Variants in SSH2 observed in about 807,000 individuals in gnomAD.
SSH2 encodes the protein protein phosphatase Slingshot homolog 2.
Under a neutral mutation model 135.2 loss-of-function variants are expected in SSH2, and 37 were observed. That is an observed-to-expected ratio of 0.27 (90% CI 0.21 to 0.36). The LOEUF (loss-of-function observed/expected upper bound fraction) is 0.36, where lower values mean the gene tolerates loss of function less well. Among genes scored for constraint, SSH2 ranks in the 10% least tolerant of loss-of-function variants. The pLI is 1.00. For synonymous variants in SSH2, 628 were observed against 646.2 expected, an observed-to-expected ratio of 0.97 and a Z score of 0.43; for missense variants, 1,408 against 1,765.3, an observed-to-expected ratio of 0.80 and a Z score of 3.63.
At chr17:29,893,385 A>G (rs932520817) in intron 1 of SSH2, among the ~76,000 whole-genome samples, 5 of 152,160 alleles carry the variant, frequency 3.3e-5, no homozygotes, top group Admixed American at 3.3e-4. Context: ...TAGTATTAAG[A>G]GGTCAGGCCT....
chr17:29,705,806 T>C (rs745488588), intron 3 of SSH2, among the ~76,000 whole-genome samples: 7 of 152,248 alleles, frequency 4.6e-5, no homozygotes, highest in African/African-American at 1.7e-4. Context: ...CCTATCATTA[T>C]GTAAGTCTCA....
At chr17:29,796,701 C>T (rs1246924748) in intron 2 of SSH2, among the ~76,000 whole-genome samples, 1 of 152,020 alleles carries the variant, frequency 6.6e-6, no homozygotes, top group Non-Finnish European at 1.5e-5. Context: ...ATCTATCCAT[C>T]TTATTTTTTG....
chr17:29,660,473 G>C (rs910616736), intron 11 of SSH2, among the ~76,000 whole-genome samples: 1 of 151,674 alleles, frequency 6.6e-6, no homozygotes, highest in African/African-American at 2.4e-5. Flanking sequence ...CACCATGTTG[G>C]CTAGGATGGT....
intron 1 of SSH2, among the ~76,000 whole-genome samples, chr17:29,881,466 C>A (rs1293485112): frequency 6.6e-6 from 1 of 151,798 alleles, no homozygotes; most frequent in East Asian, 1.9e-4. Flanking sequence ...TTCATTCTTT[C>A]TTCCTTTTCT....
At chr17:29,921,016 C>T (rs140862937) in intron 1 of SSH2, among the ~76,000 whole-genome samples, 13 of 151,842 alleles carry the variant, frequency 8.6e-5, no homozygotes, top group Admixed American at 7.9e-4. Flanking sequence ...AGAACATGAA[C>T]GATTTACAAA....
At chr17:29,833,031 G>A (rs557682235) in intron 2 of SSH2, among the ~76,000 whole-genome samples, 1 of 152,294 alleles carries the variant, frequency 6.6e-6, no homozygotes, top group South Asian at 2.1e-4. Context: ...TCTTGAGAAT[G>A]CTCCATATGC....
intron 2 of SSH2, among the ~76,000 whole-genome samples, chr17:29,811,490 G>T (rs1285147779): frequency 6.6e-6 from 1 of 151,620 alleles, no homozygotes; most frequent in Non-Finnish European, 1.5e-5. Context: ...AATGTAAAAA[G>T]CTATTCATTG....
intron 1 of SSH2, among the ~76,000 whole-genome samples, chr17:29,850,667 A>T (rs2065538243): frequency 6.6e-6 from 1 of 152,186 alleles, no homozygotes; most frequent in South Asian, 2.1e-4. Flanking sequence ...TCTTTTAGAA[A>T]ATAATCAGAA....
chr17:29,781,473 C>CTTTTTT (rs541361010), intron 3 of SSH2, among the ~76,000 whole-genome samples: 126 of 81,796 alleles, frequency 1.5e-3, no homozygotes, highest in East Asian at 2.9e-3. Context: ...CCTGTGTTTT[C>CTTTTTT]TTTTTTTTTT....
Position 29,632,556 on chromosome 17 carries a change from A to C in SSH2, c.2638T>G (p.Ser880Ala). 6.2e-7 allele frequency: 1 copy of C among 1,614,176 alleles called. No individual in the cohort carries two copies. The highest frequency in any genetic ancestry group is 8.5e-7 in the Non-Finnish European group (1 of 1,180,034). Residue 880 changes from serine (S) to alanine (A), a missense_variant, in exon 16 of 16, where the codon TCA (serine) becomes GCA (alanine). Coordinates refer to ENST00000540801, the MANE Select transcript of SSH2 (RefSeq NM_001282129.2). ...PAEGEQELQGSGMHPGAKWYP... is the reference protein window; with the variant it reads ...PAEGEQELQGAGMHPGAKWYP... Reference sequence around the variant, plus strand: ...CACTTGGCACCTGGGTGCATCCCTGAGCCCTGGAGCTCTTGTTCCCCCTCA... The same window carrying C: ...CACTTGGCACCTGGGTGCATCCCTGCGCCCTGGAGCTCTTGTTCCCCCTCA...
At chr17:29,657,588 T>C (rs1457515887) in intron 11 of SSH2, among the ~76,000 whole-genome samples, 1 of 144,600 alleles carries the variant, frequency 6.9e-6, no homozygotes, top group Non-Finnish European at 1.5e-5. Context: ...TTTTTTTTTT[T>C]TTTTTTTTTT....
intron 2 of SSH2, among the ~76,000 whole-genome samples, chr17:29,831,145 T>C (rs1231300391): frequency 6.6e-6 from 1 of 152,090 alleles, no homozygotes; most frequent in Non-Finnish European, 1.5e-5. Context: ...CTTTAAGGCA[T>C]CTAGCAGACC....
At chr17:29,801,030 A>G (rs1357214870) in intron 2 of SSH2, among the ~76,000 whole-genome samples, 1 of 151,572 alleles carries the variant, frequency 6.6e-6, no homozygotes, top group Non-Finnish European at 1.5e-5. Context: ...CACCCCCTGT[A>G]ATTTTTGTAT....
At chr17:29,800,964 C>CA (rs1305544817) in intron 2 of SSH2, among the ~76,000 whole-genome samples, 2 of 151,344 alleles carry the variant, frequency 1.3e-5, no homozygotes, top group Non-Finnish European at 2.9e-5. Flanking sequence ...CTCCTGGGTT[C>CA]AAGCGATTCT....
chr17:29,690,012 C>CAAAAAA (rs946244880), intron 5 of SSH2, among the ~76,000 whole-genome samples: 10 of 31,318 alleles, frequency 3.2e-4, no homozygotes, highest in South Asian at 1.3e-3. Context: ...AGATCCATCT[C>CAAAAAA]AAAAAAAAAA....
chr17:29,768,127 T>C (rs1268224846), intron 3 of SSH2, among the ~76,000 whole-genome samples: 16 of 152,110 alleles, frequency 1.1e-4, no homozygotes, highest in Admixed American at 1.0e-3. Context: ...CTATACCCTG[T>C]CTTTTACACA....
chr17:29,869,069 G>C (rs1229222105), intron 1 of SSH2, among the ~76,000 whole-genome samples: 3 of 152,180 alleles, frequency 2.0e-5, no homozygotes, highest in African/African-American at 7.2e-5. Context: ...TGTCTAAAAA[G>C]AGATGTTTCT....
At chr17:29,782,202 T>C (rs2041856143) in intron 3 of SSH2, among the ~76,000 whole-genome samples, 3 of 152,150 alleles carry the variant, frequency 2.0e-5, no homozygotes, top group African/African-American at 4.8e-5. Context: ...CCCCGTTGTT[T>C]CATATATCCA....
At chr17:29,763,004 AATAAT>A (rs1243484726) in intron 3 of SSH2, among the ~76,000 whole-genome samples, 3 of 152,234 alleles carry the variant, frequency 2.0e-5, no homozygotes, top group Non-Finnish European at 4.4e-5. Context: ...TAATCAAGAA[AATAAT>A]AAGCCTTTGT....
Sources: allele counts gnomAD v4.1 joint callset (sites outside exome capture counted in the v4.1 genomes callset), GRCh38; gene constraint gnomAD v4.1.1; transcripts MANE v1.5; gene names NCBI Gene and HGNC (gene_info 2026-07-23, HGNC 2026-07-21).